TMEM19: variants seen among roughly 807,000 people sequenced by gnomAD.
TMEM19 encodes transmembrane protein 19.
TMEM19 carries 21 observed loss-of-function variants against 33.6 expected under a neutral mutation model. The ratio of observed to expected loss-of-function variants is 0.62; its 90% confidence interval spans 0.44 to 0.90. TMEM19 has a LOEUF of 0.90. Among genes scored for constraint, TMEM19 ranks in the 40% least tolerant of loss-of-function variants. The pLI is 0.00. For synonymous variants in TMEM19, 149 were observed against 147.5 expected, an observed-to-expected ratio of 1.01 and a Z score of -0.07; for missense variants, 402 against 401.8, an observed-to-expected ratio of 1.00 and a Z score of 0.00.
In TMEM19 at chr12:71,686,656, G is replaced by A. The variant is rs778400231; in HGVS notation, c.-25G>A. ...TCCGAAACGCTAAATATTCTTTCCC[G>A]CAGGAGCTCATATCCTTATTTTCCA... On this transcript the variant is annotated 5_prime_UTR_variant, in exon 1 of 6. Transcript: ENST00000266673. The A allele has an allele frequency of 1.9e-6, 3 of 1,607,600 alleles. No individual in the cohort carries two copies. The highest frequency in any genetic ancestry group is 2.2e-5 in the South Asian group (2 of 90,236).
intron 5 of TMEM19, 82 bp from the exon 6 acceptor site, chr12:71,700,750 T>TTA: frequency 1.8e-6 from 2 of 1,088,654 alleles, no homozygotes; most frequent in South Asian, 2.2e-5. Flanking sequence ...TAAAGTATAA[T>TTA]AAAAAAAAAA....
intron 1 of TMEM19, among the ~76,000 whole-genome samples, chr12:71,688,177 A>T (rs1481138162): frequency 6.6e-6 from 1 of 152,176 alleles, no homozygotes; most frequent in Non-Finnish European, 1.5e-5. Flanking sequence ...AATAGTTTTC[A>T]TTTCCAGAAA....
At chr12:71,688,506 G>T (rs565619478) in intron 1 of TMEM19, among the ~76,000 whole-genome samples, 4 of 152,348 alleles carry the variant, frequency 2.6e-5, no homozygotes, top group Non-Finnish European at 5.9e-5. Flanking sequence ...TGGGATTACA[G>T]GCATGAGCCA....
intron 3 of TMEM19, 116 bp downstream of exon 3, chr12:71,696,689 C>A: frequency 1.0e-6 from 1 of 956,334 alleles, no homozygotes; most frequent in Admixed American, 3.2e-5. Flanking sequence ...CTCTGTTGCC[C>A]AGGCTGGAGT....
Position 71,698,979 on chromosome 12 carries a change from C to G in TMEM19, c.717C>G (p.Leu239=). 1 of 1,614,138 alleles carries G rather than the reference C, an allele frequency of 6.2e-7. No individual in the cohort carries two copies. The part of the protein sequence containing the change: ...GGTFVGIAYF[L]TQLIFVNDLD... ...CCTTTGTGGGCATTGCATACTTCCTCACACAGCTGATTTTTGTGAATGATT... is the reference window on the plus strand; with the variant it reads ...CCTTTGTGGGCATTGCATACTTCCTGACACAGCTGATTTTTGTGAATGATT... Residue 239 remains leucine (L), a synonymous_variant, in exon 5 of 6, where the codon CTC becomes CTG. Coordinates refer to ENST00000266673, the MANE Select transcript of TMEM19 (RefSeq NM_018279.4).
At chr12:71,687,809 A>G (rs1243185341) in intron 1 of TMEM19, among the ~76,000 whole-genome samples, 1 of 152,202 alleles carries the variant, frequency 6.6e-6, no homozygotes, top group Non-Finnish European at 1.5e-5. Flanking sequence ...TCCTTCTCCT[A>G]TGAAAACAAA....
rs111352683 is a variant in TMEM19 at position 71,699,253 on chromosome 12, A to G, written c.847+144A>G. The G allele has an allele frequency of 1.0e-4, 85 of 843,452 alleles. 1 individual carries two copies. The highest frequency in any genetic ancestry group is 8.4e-4 in the South Asian group (48 of 56,952). 52.2% of individuals were successfully genotyped at this position (843,452 alleles called of 1,614,324 possible). A position where few individuals can be genotyped will look rare whatever the true frequency, so the allele number is the denominator to read the frequency against. ...ATGATAGGGCAAAGTCTCTTTCACA[A>G]TTTTGGTTTTCTTATTCTTTTGTAT... On this transcript the variant is annotated intron_variant, in intron 5 of 5. Transcript: ENST00000266673.
chr12:71,696,653 GTTT>G, intron 3 of TMEM19, 80 bp downstream of exon 3: 1 of 1,069,246 alleles, frequency 9.4e-7, no homozygotes, highest in Non-Finnish European at 1.2e-6. Context: ...TTTTGTTTTT[GTTT>G]TTTTTTTTGA....
Position 71,701,083 on chromosome 12 carries a change from G to T in TMEM19, c.*88G>T. On this transcript the variant is annotated 3_prime_UTR_variant, in exon 6 of 6. Transcript: ENST00000266673. ...CATCCTAAGAATAATAACTGTAATGGCAAAGCGGAAATGCCAGTTCCTCCT... is the reference window on the plus strand; with the variant it reads ...CATCCTAAGAATAATAACTGTAATGTCAAAGCGGAAATGCCAGTTCCTCCT... 7.4e-7 allele frequency: 1 copy of T among 1,351,300 alleles called. No individual in the cohort carries two copies. Among genetic ancestry groups the T allele is most frequent in the South Asian group, 1.8e-5 (1 of 56,178 alleles). 83.7% of individuals were successfully genotyped at this position (1,351,300 alleles called of 1,614,324 possible). A position where few individuals can be genotyped will look rare whatever the true frequency, so the allele number is the denominator to read the frequency against.
At chr12:71,689,321 A>G (rs553869257) in intron 1 of TMEM19, among the ~76,000 whole-genome samples, 6 of 152,344 alleles carry the variant, frequency 3.9e-5, no homozygotes, top group African/African-American at 1.4e-4. Context: ...AGGCTATAGC[A>G]TATAGCTTAA....
At chr12:71,700,058 C>T (rs1881949372) in intron 5 of TMEM19, among the ~76,000 whole-genome samples, 1 of 152,046 alleles carries the variant, frequency 6.6e-6, no homozygotes, top group South Asian at 2.1e-4. Context: ...TCAGTATAGT[C>T]CTCCCAGCAC....
At position 71,703,899 on chromosome 12, in the gene TMEM19, T is replaced by C. The variant is rs76126895; in HGVS notation, c.*2904T>C. 4,019 of 231,330 alleles carry C rather than the reference T, an allele frequency of 0.017. 193 individuals are homozygous for C. The highest frequency in any genetic ancestry group is 0.089 in the African/African-American group (3,845 of 43,210). The allele number at this position is 231,330 out of a possible 1,614,324, so 14.3% of individuals were successfully genotyped here. A position where few individuals can be genotyped will look rare whatever the true frequency, so the allele number is the denominator to read the frequency against. On this transcript the variant is annotated 3_prime_UTR_variant, in exon 6 of 6. Transcript: ENST00000266673. ...CTCTGTCCTTTTTTTTTTTTTTTGT[T>C]AAGTCTTACATGTATTTTACTGTAA...
chr12:71,704,610 G>A lies in TMEM19; in HGVS notation c.*3615G>A, dbSNP rs1882041340. 6.6e-6 allele frequency: 1 copy of A among 152,270 alleles called. No homozygotes were observed. The highest frequency in any genetic ancestry group is 1.9e-4 in the East Asian group (1 of 5,198). The allele number at this position is 152,270 out of a possible 1,614,324, so 9.4% of individuals were successfully genotyped here. ...AATCCTAACACTTTGGGAGGCCGAG[G>A]CGGGCAGATCACGAGGTCAGGAGTT... On this transcript the variant is annotated 3_prime_UTR_variant, in exon 6 of 6. Transcript: ENST00000266673.
Position 71,686,388 on chromosome 12 carries a change from TC to T in TMEM19, c.-291del, listed in dbSNP as rs1881687377. ...TCGGCTTTCTCTTTTCCCCGTGGGC[TC>T]CGGCGTGAGGCGCTGAAGCGGCCGG... On this transcript the variant is annotated 5_prime_UTR_variant, in exon 1 of 6. Transcript: ENST00000266673. 2 of 290,264 alleles carry T rather than the reference TC, an allele frequency of 6.9e-6. No homozygotes were observed. Among genetic ancestry groups the T allele is most frequent in the Admixed American group, 1.2e-4 (2 of 16,562 alleles). The allele number at this position is 290,264 out of a possible 1,614,324, so 18.0% of individuals were successfully genotyped here. A position where few individuals can be genotyped will look rare whatever the true frequency, so the allele number is the denominator to read the frequency against.
intron 1 of TMEM19, 29 bp downstream of exon 1, chr12:71,686,839 C>T (rs1489191573): frequency 3.2e-6 from 5 of 1,579,016 alleles, no homozygotes; most frequent in Non-Finnish European, 4.3e-6. Flanking sequence ...AGTTGTTTCT[C>T]TGTAATCTAG....
chr12:71,696,578 AATT>A lies in TMEM19; in HGVS notation c.382+8_382+10del. On this transcript the variant is annotated splice_donor_region_variant and intron_variant, in intron 3 of 5. Transcript: ENST00000266673. ...TAGATTCAGAATATAAGGAAGGTAA[AATT>A]ATGTTTGATATCATTCAAAATAGTA... is the stretch of plus-strand genomic sequence containing the variant. 2 of 1,590,210 alleles carry A rather than the reference AATT, an allele frequency of 1.3e-6. No individual in the cohort carries two copies. The highest frequency in any genetic ancestry group is 1.7e-6 in the Non-Finnish European group (2 of 1,170,482).
intron 4 of TMEM19, among the ~76,000 whole-genome samples, chr12:71,697,888 A>G (rs1374258731): frequency 6.6e-6 from 1 of 152,176 alleles, no homozygotes; most frequent in Non-Finnish European, 1.5e-5. Flanking sequence ...CATTATCAAC[A>G]TTATCAACAA....
intron 5 of TMEM19, 95 bp from the exon 6 acceptor site, chr12:71,700,737 A>T: frequency 7.9e-7 from 1 of 1,272,326 alleles, no homozygotes. Context: ...GTACCCTAGA[A>T]CTTAAAGTAT....
In TMEM19 at chr12:71,698,965, A is replaced by G; in HGVS notation, c.703A>G (p.Ile235Val). Residue 235 changes from isoleucine to valine, a missense_variant, in exon 5 of 6, where the codon ATT (isoleucine) becomes GTT (valine). Physicochemically the swap from Ile to Val is conservative, Grantham distance 29. Coordinates refer to ENST00000266673, the MANE Select transcript of TMEM19 (RefSeq NM_018279.4). ...SSLLGGTFVG[I>V]AYFLTQLIFV... Reference sequence around the variant, plus strand: ...TCTCCTTGGTGGTACCTTTGTGGGCATTGCATACTTCCTCACACAGCTGAT... The same window carrying G: ...TCTCCTTGGTGGTACCTTTGTGGGCGTTGCATACTTCCTCACACAGCTGAT... 1 of 1,614,122 alleles carries G rather than the reference A, an allele frequency of 6.2e-7. No homozygotes were observed. Among genetic ancestry groups the G allele is most frequent in the Non-Finnish European group, 8.5e-7 (1 of 1,180,030 alleles).
Sources: allele counts gnomAD v4.1 joint callset (sites outside exome capture counted in the v4.1 genomes callset), GRCh38; gene constraint gnomAD v4.1.1; transcripts MANE v1.5; gene names NCBI Gene and HGNC (gene_info 2026-07-23, HGNC 2026-07-21).